Variants in SLC38A1 observed in about 807,000 individuals in gnomAD.
SLC38A1 encodes the protein solute carrier family 38 member 1.
SLC38A1 carries 18 observed loss-of-function variants against 60.3 expected under a neutral mutation model. The ratio of observed to expected loss-of-function variants is 0.30; its 90% CI spans 0.21 to 0.44. The LOEUF (loss-of-function observed/expected upper bound fraction) is 0.44, where lower values mean the gene tolerates loss of function less well. Among genes scored for constraint, SLC38A1 ranks in the 20% least tolerant of loss-of-function variants. The pLI is 1.00. For synonymous variants in SLC38A1, 196 were observed against 212.1 expected, an observed-to-expected ratio of 0.92 and a Z score of 0.66; for missense variants, 448 against 587.2, an observed-to-expected ratio of 0.76 and a Z score of 2.45.
At chr12:46,221,320 G>A (rs1410980147) in intron 5 of SLC38A1, among the ~76,000 whole-genome samples, 2 of 152,174 alleles carry the variant, frequency 1.3e-5, no homozygotes, top group South Asian at 2.1e-4. Flanking sequence ...TTCCCAAACA[G>A]CAATTTAACA....
intron 5 of SLC38A1, among the ~76,000 whole-genome samples, 199 bp from the exon 6 acceptor site, chr12:46,209,326 C>G (rs1438191984): frequency 6.6e-6 from 1 of 152,218 alleles, no homozygotes. Flanking sequence ...TCATTAGAAT[C>G]TGAGTAACAG....
At chr12:46,210,172 C>CAG (rs1311273876) in intron 5 of SLC38A1, among the ~76,000 whole-genome samples, 3 of 152,194 alleles carry the variant, frequency 2.0e-5, no homozygotes, top group African/African-American at 7.2e-5. Context: ...CTCTAGGCCC[C>CAG]AGCTCAGATG....
chr12:46,212,490 T>A (rs1416397812), intron 5 of SLC38A1, among the ~76,000 whole-genome samples: 1 of 152,246 alleles, frequency 6.6e-6, no homozygotes, highest in African/African-American at 2.4e-5. Flanking sequence ...TTCAGACTTA[T>A]GTTCATCTTT....
At chr12:46,252,070 A>G (rs906378311) in intron 1 of SLC38A1, among the ~76,000 whole-genome samples, 4 of 152,220 alleles carry the variant, frequency 2.6e-5, no homozygotes, top group African/African-American at 9.6e-5. Flanking sequence ...TCACAATAGG[A>G]AACACTTGGA....
chr12:46,221,053 A>C (rs1198029479), intron 5 of SLC38A1, among the ~76,000 whole-genome samples: 2 of 152,196 alleles, frequency 1.3e-5, no homozygotes, highest in African/African-American at 4.8e-5. Context: ...CTCAGTTTAC[A>C]GAGACCCTTA....
intron 1 of SLC38A1, among the ~76,000 whole-genome samples, chr12:46,250,558 G>A (rs1356759296): frequency 6.6e-6 from 1 of 152,172 alleles, no homozygotes; most frequent in East Asian, 1.9e-4. Context: ...GTCCCTATTT[G>A]CAGATGACAT....
chr12:46,200,643 G>A (rs1158734870), intron 13 of SLC38A1, among the ~76,000 whole-genome samples: 1 of 152,046 alleles, frequency 6.6e-6, no homozygotes, highest in Non-Finnish European at 1.5e-5. Flanking sequence ...TCTTTGCAAG[G>A]CTTCGACTTC....
Position 46,204,425 on chromosome 12 carries a change from T to A in SLC38A1, c.706-8A>T, listed in dbSNP as rs775530046. On this transcript the variant is annotated splice_polypyrimidine_tract_variant and splice_region_variant and intron_variant, in intron 10 of 16. Transcript: ENST00000398637. ...AAATTTCTTGTAAATAACCTGGTAT[T>A]AAGAAGTATAGTAGAAGCAATATGG... is the stretch of plus-strand genomic sequence containing the variant. 6.2e-7 allele frequency: 1 copy of A among 1,600,178 alleles called. No individual in the cohort carries two copies. The highest frequency in any genetic ancestry group is 8.6e-7 in the Non-Finnish European group (1 of 1,167,552).
In SLC38A1 at chr12:46,260,655, C is replaced by A. The variant is rs551436125; in HGVS notation, c.-209+7871G>T. Among the ~76,000 whole-genome samples the A allele has an allele frequency of 2.0e-5, 3 of 152,302 alleles. No individual in the cohort carries two copies. In the East Asian group the frequency reaches 5.8e-4, roughly 29 times the overall value. ...AGAACGCATCACCTGACCTCACATG[C>A]CAGCATTCTATTTCTGTTAAAGATA... On this transcript the variant is annotated intron_variant, in intron 1 of 16. Transcript: ENST00000398637.
At chr12:46,219,514 A>G (rs1428650293) in intron 5 of SLC38A1, among the ~76,000 whole-genome samples, 1 of 152,194 alleles carries the variant, frequency 6.6e-6, no homozygotes, top group African/African-American at 2.4e-5. Flanking sequence ...GACCCCTGAT[A>G]TAGATGCAGA....
chr12:46,238,174 C>G (rs1220792995), intron 3 of SLC38A1, among the ~76,000 whole-genome samples: 2 of 151,590 alleles, frequency 1.3e-5, no homozygotes, highest in Admixed American at 6.6e-5. Flanking sequence ...ACCTGGCACT[C>G]AAGAAATGGG....
At chr12:46,206,054 A>G in intron 9 of SLC38A1, 26 bp downstream of exon 9, 1 of 1,495,542 alleles carries the variant, frequency 6.7e-7, no homozygotes, top group Non-Finnish European at 9.3e-7. Context: ...ACTGCAGAAT[A>G]TGATAAAAGC....
At chr12:46,234,157 T>C (rs1941172291) in intron 3 of SLC38A1, among the ~76,000 whole-genome samples, 1 of 152,230 alleles carries the variant, frequency 6.6e-6, no homozygotes, top group Non-Finnish European at 1.5e-5. Flanking sequence ...TTACTTTATC[T>C]GTACTACACT....
At chr12:46,221,994 C>T (rs143258536) in intron 5 of SLC38A1, among the ~76,000 whole-genome samples, 106 of 152,182 alleles carry the variant, frequency 7.0e-4, no homozygotes, top group African/African-American at 2.4e-3. Context: ...AGTTTTAAGG[C>T]AGGCAGCCTC....
chr12:46,196,082 T>G, intron 16 of SLC38A1: 1 of 1,495,190 alleles, frequency 6.7e-7, no homozygotes, highest in Non-Finnish European at 9.0e-7. Context: ...TTGGCTATCT[T>G]GGAAGCAACC....
At position 46,196,643 on chromosome 12, in the gene SLC38A1, A is replaced by C. The variant is rs1327122758; in HGVS notation, c.1362+1077T>G. ...TACTAGCATCAGTGCTGCTTTTCCT[A>C]AATGCACAGAGATGACCCTCCTGCC... On this transcript the variant is annotated intron_variant, in intron 16 of 16. Coordinates refer to ENST00000398637, the MANE Select transcript of SLC38A1 (RefSeq NM_030674.4). 1.4e-4 allele frequency among the ~76,000 whole-genome samples: 22 copies of C among 152,240 alleles called. 1 individual carries two copies. In the South Asian group the frequency reaches 4.4e-3, roughly 30 times the overall value.
intron 6 of SLC38A1, 112 bp from the exon 7 acceptor site, chr12:46,207,733 C>G: frequency 2.1e-6 from 2 of 965,730 alleles, no homozygotes; most frequent in Non-Finnish European, 3.3e-6. Context: ...GTGCCTTTCT[C>G]AAACTCACAC....
At position 46,239,848 on chromosome 12, in the gene SLC38A1, T is replaced by A. The variant is rs1471380341; in HGVS notation, c.-48A>T. ...GAAAATTAGTCCAAATTTCTCCTGT[T>A]CTGAGTGTATTTAGAAGTAGATACC... is the stretch of plus-strand genomic sequence containing the variant. On this transcript the variant is annotated 5_prime_UTR_variant, in exon 3 of 17. Coordinates refer to ENST00000398637, the MANE Select transcript of SLC38A1 (RefSeq NM_030674.4). 1.2e-6 allele frequency: 2 copies of A among 1,604,220 alleles called. No homozygotes were observed. Among genetic ancestry groups the A allele is most frequent in the South Asian group, 2.2e-5 (2 of 90,794 alleles).
intron 14 of SLC38A1, 109 bp from the exon 15 acceptor site, chr12:46,198,169 T>C (rs1939474808): frequency 1.7e-6 from 2 of 1,187,146 alleles, no homozygotes; most frequent in East Asian, 2.5e-5. Context: ...TGAAATGTTT[T>C]GTAATGCCTA....
Sources: allele counts gnomAD v4.1 joint callset (sites outside exome capture counted in the v4.1 genomes callset), GRCh38; gene constraint gnomAD v4.1.1; transcripts MANE v1.5; gene names NCBI Gene and HGNC (gene_info 2026-07-23, HGNC 2026-07-21).